Variants in GPC3 observed in about 807,000 individuals in gnomAD.
The protein encoded by GPC3 is glypican-3.
In GPC3, 3 loss-of-function variants were observed where a neutral mutation model predicts 34.4. The observed-to-expected ratio is 0.09, with a 90% confidence interval of 0.04 to 0.23. The LOEUF (loss-of-function observed/expected upper bound fraction) is 0.23, where lower values mean the gene tolerates loss of function less well. Among genes scored for constraint, GPC3 ranks in the 10% least tolerant of loss-of-function variants. GPC3 has a pLI of 1.00. For missense variants in GPC3, 351 were observed against 445.6 expected (o/e 0.79, Z 1.91); for synonymous variants, 177 against 174.0 (o/e 1.02, Z -0.13).
At chrX:133,763,825 A>C (rs1177030049) in intron 2 of GPC3, 3 of 391,540 alleles carry the variant, frequency 7.7e-6, no homozygotes, top group Middle Eastern at 7.5e-4. Flanking sequence ...GTTGGTGGGA[A>C]TGTAAATTAG....
At chrX:133,713,251 T>G (rs1458260897) in intron 3 of GPC3, among the ~76,000 whole-genome samples, 1 of 112,144 alleles carries the variant, frequency 8.9e-6, no homozygotes, top group Non-Finnish European at 1.9e-5. Context: ...AATTCATGGT[T>G]TTCCCTCAAA....
intron 2 of GPC3, among the ~76,000 whole-genome samples, chrX:133,765,667 A>C (rs1046110108): frequency 2.7e-5 from 3 of 111,789 alleles, no homozygotes; most frequent in African/African-American, 9.8e-5. Flanking sequence ...TATCCTAAGA[A>C]AGGTCAATTG....
intron 3 of GPC3, among the ~76,000 whole-genome samples, chrX:133,746,709 C>T (rs760695775): frequency 3.5e-4 from 39 of 112,372 alleles, no homozygotes; most frequent in Non-Finnish European, 5.6e-4. Flanking sequence ...TAGAGGCTGA[C>T]CTGCAGACAC....
At chrX:133,930,546 T>C (rs2124621020) in intron 2 of GPC3, among the ~76,000 whole-genome samples, 1 of 112,955 alleles carries the variant, frequency 8.9e-6, no homozygotes, top group South Asian at 3.6e-4. Context: ...GATCTTACCA[T>C]TATTTTTTAG....
intron 1 of GPC3, among the ~76,000 whole-genome samples, chrX:133,979,275 G>A (rs139195928): frequency 2.0e-3 from 228 of 111,620 alleles, no homozygotes; most frequent in African/African-American, 7.0e-3. Context: ...TTAACTGTTC[G>A]GAACACTAGC....
At chrX:133,618,637 G>A (rs2070193153) in intron 6 of GPC3, among the ~76,000 whole-genome samples, 2 of 107,024 alleles carry the variant, frequency 1.9e-5, no homozygotes, top group South Asian at 8.5e-4. Flanking sequence ...GGAGGTGGAG[G>A]TTGCAGTGAG....
At chrX:133,647,632 C>T (rs992721814) in intron 6 of GPC3, among the ~76,000 whole-genome samples, 1 of 112,193 alleles carries the variant, frequency 8.9e-6, no homozygotes, top group African/African-American at 3.2e-5. Flanking sequence ...AGAAGGCGAA[C>T]AGTCACTGCT....
chrX:133,814,570 T>TATC (rs201875409), intron 2 of GPC3, among the ~76,000 whole-genome samples: 2,069 of 110,094 alleles, frequency 0.019, 26 homozygotes, highest in Non-Finnish European at 0.025. Flanking sequence ...TTATTGTTAT[T>TATC]ATTATTATTA....
chrX:133,774,559 A>C (rs888498169), intron 2 of GPC3, among the ~76,000 whole-genome samples: 1 of 111,389 alleles, frequency 9.0e-6, no homozygotes, highest in Non-Finnish European at 1.9e-5. Context: ...TTATGGCATC[A>C]TGTTAAAATA....
intron 2 of GPC3, among the ~76,000 whole-genome samples, chrX:133,868,461 T>C (rs992248786): frequency 3.6e-5 from 4 of 112,308 alleles, no homozygotes; most frequent in Non-Finnish European, 7.5e-5. Flanking sequence ...AAGTTGTTAC[T>C]ATGGGCAAGG....
chrX:133,971,480 G>C (rs2076492990), intron 1 of GPC3, among the ~76,000 whole-genome samples: 1 of 111,916 alleles, frequency 8.9e-6, no homozygotes, highest in African/African-American at 3.2e-5. Flanking sequence ...GAGGAAAATG[G>C]AGGAAGAGAG....
intron 3 of GPC3, among the ~76,000 whole-genome samples, chrX:133,709,514 T>C (rs1333494771): frequency 8.9e-6 from 1 of 112,378 alleles, no homozygotes; most frequent in Non-Finnish European, 1.9e-5. Flanking sequence ...AAACAATATA[T>C]ACATTGAAAT....
chrX:133,751,308 C>T (rs1169403557), intron 3 of GPC3, among the ~76,000 whole-genome samples: 1 of 110,956 alleles, frequency 9.0e-6, no homozygotes, highest in Admixed American at 9.6e-5. Flanking sequence ...AGTGGGCTCT[C>T]AATCAGTATT....
In GPC3 at chrX:133,838,165, T is replaced by G. The variant is rs1240646511; in HGVS notation, c.338-83989A>C. Among the ~76,000 whole-genome samples the G allele has an allele frequency of 2.7e-5, 3 of 112,933 alleles. No homozygotes were observed. The East Asian group carries it at 8.3e-4, about 31-fold the overall frequency. On this transcript the variant is annotated intron_variant, in intron 2 of 7. Transcript: ENST00000370818. ...AAAATATGCCATTTTAATAGCCTAC[T>G]TCTCTCTATCCTAAAAAGTAACCCC...
chrX:133,797,140 T>G (rs983245234), intron 2 of GPC3, among the ~76,000 whole-genome samples: 1 of 110,579 alleles, frequency 9.0e-6, no homozygotes, highest in Non-Finnish European at 1.9e-5. Context: ...GCCTTGCTGC[T>G]GCTGTTACAG....
At chrX:133,625,183 T>C (rs2070285612) in intron 6 of GPC3, among the ~76,000 whole-genome samples, 1 of 111,655 alleles carries the variant, frequency 9.0e-6, no homozygotes, top group Non-Finnish European at 1.9e-5. Context: ...ATAAGAGCTA[T>C]TGATGGCAAA....
At chrX:133,840,189 A>G (rs1267072374) in intron 2 of GPC3, among the ~76,000 whole-genome samples, 1 of 111,148 alleles carries the variant, frequency 9.0e-6, no homozygotes. Context: ...CAACTTAGAG[A>G]GGACACTAAA....
At chrX:133,886,377 G>GAAAAGAACT (rs2076061894) in intron 2 of GPC3, among the ~76,000 whole-genome samples, 1 of 109,699 alleles carries the variant, frequency 9.1e-6, no homozygotes, top group African/African-American at 3.3e-5. Context: ...TAGGGGAGTA[G>GAAAAGAACT]AAAAGAACTC....
intron 7 of GPC3, among the ~76,000 whole-genome samples, chrX:133,545,705 C>T (rs1430533722): frequency 9.0e-6 from 1 of 111,241 alleles, no homozygotes; most frequent in East Asian, 2.8e-4. Flanking sequence ...TCTAGAATTC[C>T]AAAGCAAAAT....
Sources: gnomAD v4.1 joint callset for allele counts (sites outside exome capture counted in the v4.1 genomes callset) on GRCh38, gnomAD v4.1.1 for gene constraint, MANE v1.5 for transcripts, NCBI Gene and HGNC (gene_info 2026-07-23, HGNC 2026-07-21) for gene names.